Variants in PMS2 observed in about 807,000 individuals in gnomAD.
PMS2 encodes PMS1 homolog 2, mismatch repair system component.
Under a neutral mutation model 90.0 loss-of-function variants are expected in PMS2, and 69 were observed. That is an observed-to-expected ratio of 0.77 (90% CI 0.63 to 0.94). The LOEUF is 0.94. Among genes scored for constraint, PMS2 ranks in the 40% least tolerant of loss-of-function variants. The pLI is 0.00. For synonymous variants in PMS2, 332 were observed against 375.1 expected (o/e 0.89, Z 1.33); for missense variants, 966 against 1,040.2 (o/e 0.93, Z 0.98).
At chr7:6,008,487 T>C (rs1388166044) in intron 1 of PMS2, among the ~76,000 whole-genome samples, 2 of 152,270 alleles carry the variant, frequency 1.3e-5, no homozygotes, top group South Asian at 2.1e-4. Flanking sequence ...CGGTGCATCA[T>C]GCCTTTAATT....
In PMS2 at chr7:5,977,947, G is replaced by A. The variant is rs1163747791; in HGVS notation, c.2276-190C>T. On this transcript the variant is annotated intron_variant, in intron 13 of 14. Coordinates refer to ENST00000265849, the MANE Select transcript of PMS2 (RefSeq NM_000535.7). ...ATCCTGGCTAACATGGTGAAACCCC[G>A]TCTCTACTAAAAAATAGAAAAAATT... Among the ~76,000 whole-genome samples, 27 of 150,328 alleles carry A rather than the reference G, an allele frequency of 1.8e-4. No individual in the cohort carries two copies. The South Asian group carries it at 3.8e-3, about 21-fold the overall frequency.
chr7:6,000,305 T>A (rs1331008106), intron 5 of PMS2, among the ~76,000 whole-genome samples: 2 of 148,260 alleles, frequency 1.3e-5, no homozygotes, highest in Non-Finnish European at 3.0e-5. Flanking sequence ...GCCTGGGAGA[T>A]CATGGCTGCG....
chr7:5,983,434 C>CA (rs1440639200), intron 11 of PMS2, among the ~76,000 whole-genome samples: 1 of 151,522 alleles, frequency 6.6e-6, no homozygotes, highest in Non-Finnish European at 1.5e-5. Context: ...CTAAAGATAA[C>CA]ATTAATTATT....
At chr7:5,980,958 A>G (rs1782218838) in intron 12 of PMS2, among the ~76,000 whole-genome samples, 1 of 151,664 alleles carries the variant, frequency 6.6e-6, no homozygotes, top group Non-Finnish European at 1.5e-5. Flanking sequence ...TACACAGGAG[A>G]GTACTCAGCA....
chr7:6,006,652 A>G (rs909238425), intron 1 of PMS2, among the ~76,000 whole-genome samples: 1 of 151,868 alleles, frequency 6.6e-6, no homozygotes, highest in Non-Finnish European at 1.5e-5. Flanking sequence ...AAAAAAAATG[A>G]AAGTAACATA....
intron 9 of PMS2, 91 bp from the exon 10 acceptor site, chr7:5,990,046 C>G: frequency 1.1e-6 from 1 of 905,180 alleles, no homozygotes; most frequent in East Asian, 3.0e-5. Flanking sequence ...CTCACTCTGT[C>G]GCCTAGGCTG....
chr7:5,987,209 T>C lies in PMS2; in HGVS notation c.1556A>G (p.Tyr519Cys), dbSNP rs63750649. 98 of 1,614,072 alleles carry C rather than the reference T, an allele frequency of 6.1e-5. No homozygotes were observed. The highest frequency in any genetic ancestry group is 4.2e-4 in the Admixed American group (25 of 60,002). ...CCTGTCCCCTGGGGAGCTGGCCGCA[T>C]ACTCGCTGCTGCAGTGACTGCCCGT... ...PDTGSHCSSE[Y>C]AASSPGDRGS... Residue 519 changes from tyrosine to cysteine, a missense_variant, in exon 11 of 15, where the codon TAT becomes TGT. By Grantham distance (194) the Tyr-to-Cys change is radical. Transcript: ENST00000265849.
intron 11 of PMS2, among the ~76,000 whole-genome samples, chr7:5,984,559 C>T (rs1395020491): frequency 1.3e-5 from 2 of 151,598 alleles, no homozygotes; most frequent in Non-Finnish European, 2.9e-5. Context: ...ACAAGGTGGG[C>T]AGATCATTTG....
Position 5,997,425 on chromosome 7 carries a change from T to TTA in PMS2, c.706-3_706-2insTA. ...AACAAAAGGAATGAGGCTTTGCAACTGAAAAAAAAAAAAAAAAATTCACAG... is the reference window on the plus strand; with the variant it reads ...AACAAAAGGAATGAGGCTTTGCAACTTAGAAAAAAAAAAAAAAAAATTCACAG... On this transcript the variant is annotated splice_region_variant and splice_polypyrimidine_tract_variant and intron_variant, in intron 6 of 14. Transcript: ENST00000265849. The TTA allele has an allele frequency of 3.5e-6, 5 of 1,424,058 alleles. No individual in the cohort carries two copies. The highest frequency in any genetic ancestry group is 4.8e-6 in the Non-Finnish European group (5 of 1,050,676). 88.2% of individuals were successfully genotyped at this position (1,424,058 alleles called of 1,614,324 possible).
At position 5,982,952 on chromosome 7, in the gene PMS2, A is replaced by G. The variant is rs758737890; in HGVS notation, c.2046T>C (p.Phe682=). The G allele has an allele frequency of 6.3e-6, 10 of 1,581,712 alleles. No homozygotes were observed. Residue 682 remains phenylalanine, a synonymous_variant, in exon 12 of 15, where the codon TTT becomes TTC. Coordinates refer to ENST00000265849, the MANE Select transcript of PMS2 (RefSeq NM_000535.7). ...GTTTGGTTATTATAAATCCCAGGTT[A>G]AACTGACCAATGATTTCCATTTCTG... ...MFAEMEIIGQ[F]NLGFIITKLN...
At position 6,003,825 on chromosome 7, in the gene PMS2, T is replaced by G; in HGVS notation, c.251-33A>C. On this transcript the variant is annotated intron_variant, in intron 3 of 14. Transcript: ENST00000265849. Reference sequence around the variant, plus strand: ...AGAGTGTAAAGTAAGGACTAAGATATCTCAAGTGCTATAACAACAAAATAT... The same window carrying G: ...AGAGTGTAAAGTAAGGACTAAGATAGCTCAAGTGCTATAACAACAAAATAT... 1 of 1,414,032 alleles carries G rather than the reference T, an allele frequency of 7.1e-7. No individual in the cohort carries two copies. The highest frequency in any genetic ancestry group is 1.8e-4 in the Middle Eastern group (1 of 5,662). 87.6% of individuals were successfully genotyped at this position (1,414,032 alleles called of 1,614,324 possible). A position where few individuals can be genotyped will look rare whatever the true frequency, so the allele number is the denominator to read the frequency against.
rs1203548289 is a variant in PMS2 at position 5,995,652 on chromosome 7, G to A, written c.804-19C>T. On this transcript the variant is annotated intron_variant, in intron 7 of 14. Transcript: ENST00000265849. ...TGAGATGCTATTCAACATTAATATGGTAAGGGCAGGATTCCAGAGTGAAAG... is the reference window on the plus strand; with the variant it reads ...TGAGATGCTATTCAACATTAATATGATAAGGGCAGGATTCCAGAGTGAAAG... 2.0e-6 allele frequency: 3 copies of A among 1,508,402 alleles called. No homozygotes were observed. In the South Asian group the frequency reaches 3.4e-5, roughly 17 times the overall value. The allele number at this position is 1,508,402 out of a possible 1,614,324, so 93.4% of individuals were successfully genotyped here. A position where few individuals can be genotyped will look rare whatever the true frequency, so the allele number is the denominator to read the frequency against.
intron 7 of PMS2, among the ~76,000 whole-genome samples, chr7:5,996,588 A>AT (rs1554301127): frequency 1.7e-3 from 156 of 89,410 alleles, no homozygotes; most frequent in Non-Finnish European, 2.2e-3. Context: ...AAAAAAAAAA[A>AT]AAATATATAT....
At chr7:5,983,489 C>T (rs1278658601) in intron 11 of PMS2, among the ~76,000 whole-genome samples, 1 of 151,580 alleles carries the variant, frequency 6.6e-6, no homozygotes, top group Non-Finnish European at 1.5e-5. Flanking sequence ...CTACTATTAA[C>T]GATTTAAATG....
rs1785480647 is a variant in PMS2 at position 6,004,419 on chromosome 7, A to G, written c.164-361T>C. On this transcript the variant is annotated intron_variant, in intron 2 of 14. Coordinates refer to ENST00000265849, the MANE Select transcript of PMS2 (RefSeq NM_000535.7). ...TGAAAGAAATAATTTTAACATACCC[A>G]ATAAAGAGAACGGGGACCGGGTGCA... 3 of 212,318 alleles carry G rather than the reference A, an allele frequency of 1.4e-5. No individual in the cohort carries two copies. The Admixed American group carries it at 1.6e-4, about 11-fold the overall frequency. 13.2% of individuals were successfully genotyped at this position (212,318 alleles called of 1,614,324 possible).
At chr7:6,006,590 T>C (rs1410703927) in intron 1 of PMS2, among the ~76,000 whole-genome samples, 1 of 151,698 alleles carries the variant, frequency 6.6e-6, no homozygotes, top group Admixed American at 6.6e-5. Context: ...GAGGCGGAGG[T>C]TGCAGTGAGC....
chr7:5,988,672 C>T (rs1431292414), intron 10 of PMS2, among the ~76,000 whole-genome samples: 1 of 152,160 alleles, frequency 6.6e-6, no homozygotes, highest in Non-Finnish European at 1.5e-5. Flanking sequence ...CAAATATTCA[C>T]AAATGATGAT....
intron 6 of PMS2, among the ~76,000 whole-genome samples, chr7:5,998,707 A>C (rs1235675310): frequency 7.2e-6 from 1 of 138,180 alleles, no homozygotes; most frequent in Admixed American, 7.4e-5. Flanking sequence ...AAAAAAAAAA[A>C]CCGGCCGGGC....
At chr7:5,997,773 T>C (rs559160408) in intron 6 of PMS2, among the ~76,000 whole-genome samples, 150 of 152,216 alleles carry the variant, frequency 9.9e-4, no homozygotes, top group African/African-American at 3.5e-3. Flanking sequence ...TGGTCTTAAA[T>C]TCCTGGGCTC....
Sources: gnomAD v4.1 joint callset for allele counts (sites outside exome capture counted in the v4.1 genomes callset) on GRCh38, gnomAD v4.1.1 for gene constraint, MANE v1.5 for transcripts, NCBI Gene and HGNC (gene_info 2026-07-23, HGNC 2026-07-21) for gene names.